The following AQR variants were observed in gnomAD, a reference collection of about 807,000 sequenced individuals.
AQR encodes the protein aquarius intron-binding spliceosomal factor.
In AQR, 61 loss-of-function variants were observed where a neutral mutation model predicts 180.5. That is an observed-to-expected ratio of 0.34 (90% confidence interval 0.28 to 0.42). The LOEUF (loss-of-function observed/expected upper bound fraction) is 0.42, where lower values mean the gene tolerates loss of function less well. Ranked by LOEUF, AQR falls within the 10% of genes least tolerant of loss-of-function variation. The probability of loss-of-function intolerance (pLI) is 1.00; values close to 1 mark genes in which losing one functional copy is unlikely to be tolerated. For missense variants in AQR, 1,281 were observed against 1,798.3 expected, an observed-to-expected ratio of 0.71 and a Z score of 5.20; for synonymous variants, 551 against 588.8, an observed-to-expected ratio of 0.94 and a Z score of 0.93.
At chr15:34,900,481 G>T in intron 20 of AQR, 141 bp downstream of exon 20, 1 of 1,004,510 alleles carries the variant, frequency 1.0e-6, no homozygotes, top group Non-Finnish European at 1.4e-6. Flanking sequence ...AGTTATCCCA[G>T]TGATTGTATG....
intron 5 of AQR, among the ~76,000 whole-genome samples, chr15:34,946,372 T>G (rs998377665): frequency 1.3e-5 from 2 of 151,672 alleles, no homozygotes; most frequent in Non-Finnish European, 2.9e-5. Flanking sequence ...ATAAACTCCC[T>G]CTTGAGGTCG....
chr15:34,872,856 AAAG>A, intron 30 of AQR, among the ~76,000 whole-genome samples: 1 of 152,230 alleles, frequency 6.6e-6, no homozygotes, highest in East Asian at 1.9e-4. Flanking sequence ...AGAGAGAAAA[AAAG>A]AAAAAAATTA....
chr15:34,910,465 C>A (rs1234426100), intron 16 of AQR, 152 bp from the exon 17 acceptor site: 4 of 860,034 alleles, frequency 4.7e-6, no homozygotes, highest in Admixed American at 5.9e-5. Context: ...AAAAAGAAAA[C>A]CTTTAACTCT....
chr15:34,927,012 T>C (rs938436146), intron 13 of AQR, 23 bp downstream of exon 13: 17 of 1,396,140 alleles, frequency 1.2e-5, no homozygotes, highest in South Asian at 1.4e-5. Context: ...AAAAAGAATA[T>C]ATAGTTTTTC....
intron 3 of AQR, among the ~76,000 whole-genome samples, chr15:34,957,817 A>G (rs1394849433): frequency 6.6e-6 from 1 of 151,630 alleles, no homozygotes; most frequent in Non-Finnish European, 1.5e-5. Context: ...ATTAAAAAAT[A>G]ATAATAAAAA....
chr15:34,958,011 A>C (rs1894350377), intron 3 of AQR, among the ~76,000 whole-genome samples: 1 of 151,416 alleles, frequency 6.6e-6, no homozygotes, highest in African/African-American at 2.4e-5. Flanking sequence ...GATCGAGACC[A>C]TCCTGGCTAA....
chr15:34,948,456 AAAGCAT>A, intron 4 of AQR, 72 bp from the exon 5 acceptor site: 1 of 1,502,214 alleles, frequency 6.7e-7, no homozygotes, highest in African/African-American at 1.4e-5. Context: ...CTCACCCAGA[AAAGCAT>A]AATTATTTAC....
At chr15:34,924,490 G>A (rs1418111948) in intron 13 of AQR, among the ~76,000 whole-genome samples, 1 of 150,706 alleles carries the variant, frequency 6.6e-6, no homozygotes, top group Non-Finnish European at 1.5e-5. Context: ...GGAGTGCAGT[G>A]GCACGATCTT....
At chr15:34,906,432 C>T in intron 18 of AQR, 113 bp downstream of exon 18, 3 of 1,278,308 alleles carry the variant, frequency 2.3e-6, no homozygotes, top group Admixed American at 4.5e-5. Flanking sequence ...TCCTTTGTGT[C>T]AATTTAGTAG....
At chr15:34,883,015 T>A (rs1379181186) in intron 26 of AQR, among the ~76,000 whole-genome samples, 3 of 152,126 alleles carry the variant, frequency 2.0e-5, no homozygotes, top group African/African-American at 7.2e-5. Context: ...AGAGGAACTA[T>A]AAAGGTAATG....
intron 30 of AQR, among the ~76,000 whole-genome samples, chr15:34,872,266 C>T (rs1343551404): frequency 6.6e-6 from 1 of 152,128 alleles, no homozygotes; most frequent in Non-Finnish European, 1.5e-5. Flanking sequence ...TCCCTCTCGA[C>T]ACTAATTCTT....
In AQR at chr15:34,856,652, C is replaced by T. The variant is rs1014141325; in HGVS notation, c.*140G>A. 3.1e-6 allele frequency: 2 copies of T among 645,258 alleles called. No individual in the cohort carries two copies. The highest frequency in any genetic ancestry group is 3.7e-5 in the African/African-American group (2 of 54,172). The allele number at this position is 645,258 out of a possible 1,614,324, so 40.0% of individuals were successfully genotyped here. A position where few individuals can be genotyped will look rare whatever the true frequency, so the allele number is the denominator to read the frequency against. On this transcript the variant is annotated 3_prime_UTR_variant, in exon 35 of 35. Coordinates refer to ENST00000156471, the MANE Select transcript of AQR (RefSeq NM_014691.3). ...ATAATTTAAAAAAATATATTCAAGA[C>T]ACCGAAATCAGTTAACAAATATAAG... is the stretch of plus-strand genomic sequence containing the variant.
rs578096225 is a variant in AQR, at chr15:34,881,199, G to C, written c.3165+1303C>G. Among the ~76,000 whole-genome samples, 12 of 152,130 alleles carry C rather than the reference G, an allele frequency of 7.9e-5. No homozygotes were observed. In the South Asian group the frequency reaches 1.7e-3, roughly 21 times the overall value. On this transcript the variant is annotated intron_variant, in intron 27 of 34. Transcript: ENST00000156471. ...TCAGCCCCAAGAACAAAACATTTAG[G>C]TGAAAAATTCTCACTAATAATTTGC...
intron 22 of AQR, among the ~76,000 whole-genome samples, chr15:34,896,543 T>TAAA (rs34623885): frequency 3.2e-4 from 44 of 135,556 alleles, no homozygotes; most frequent in Middle Eastern, 3.8e-3. Flanking sequence ...TAATCTATGT[T>TAAA]AAAAAAAAAA....
At chr15:34,861,859 T>G (rs1892675255) in intron 33 of AQR, among the ~76,000 whole-genome samples, 1 of 152,156 alleles carries the variant, frequency 6.6e-6, no homozygotes, top group African/African-American at 2.4e-5. Context: ...ACACAAGATT[T>G]AAGTTTTTTT....
intron 22 of AQR, among the ~76,000 whole-genome samples, chr15:34,895,339 G>T (rs1299690282): frequency 1.3e-5 from 2 of 149,314 alleles, no homozygotes; most frequent in Non-Finnish European, 3.0e-5. Flanking sequence ...AAAATGATAG[G>T]CCTAAATCCA....
intron 33 of AQR, among the ~76,000 whole-genome samples, chr15:34,860,379 C>G (rs1043547262): frequency 6.6e-6 from 1 of 151,192 alleles, no homozygotes; most frequent in Non-Finnish European, 1.5e-5. Flanking sequence ...CAGGTCAGCA[C>G]GCTCTGCCTG....
At chr15:34,883,528 A>AC (rs895212622) in intron 26 of AQR, among the ~76,000 whole-genome samples, 1 of 152,124 alleles carries the variant, frequency 6.6e-6, no homozygotes, top group Non-Finnish European at 1.5e-5. Context: ...TTCTGTACCT[A>AC]CCATCCATCC....
intron 1 of AQR, among the ~76,000 whole-genome samples, chr15:34,964,962 C>G (rs2050302877): frequency 6.6e-6 from 1 of 152,082 alleles, no homozygotes; most frequent in South Asian, 2.1e-4. Context: ...AAATAGAAAA[C>G]TGGCAAGCAC....
Sources: allele counts gnomAD v4.1 joint callset (sites outside exome capture counted in the v4.1 genomes callset), GRCh38; gene constraint gnomAD v4.1.1; transcripts MANE v1.5; gene names NCBI Gene and HGNC (gene_info 2026-07-23, HGNC 2026-07-21).